Variants in PLCXD3 observed in about 807,000 individuals in gnomAD.
PLCXD3 encodes PI-PLC X domain-containing protein 3.
In PLCXD3, 19 loss-of-function variants were observed where a neutral mutation model predicts 25.5. The observed-to-expected ratio is 0.75, with a 90% CI of 0.52 to 1.09. PLCXD3 has a LOEUF of 1.09. Ranked by LOEUF, PLCXD3 falls within the 50% of genes least tolerant of loss-of-function variation. PLCXD3 has a pLI of 0.00. For synonymous variants in PLCXD3, 174 were observed against 137.6 expected (o/e 1.26, Z -1.85); for missense variants, 411 against 388.1 (o/e 1.06, Z -0.50).
intron 1 of PLCXD3, among the ~76,000 whole-genome samples, chr5:41,507,917 C>T (rs754681818): frequency 1.3e-5 from 2 of 152,214 alleles, no homozygotes; most frequent in Non-Finnish European, 2.9e-5. Context: ...CTCTGACTAT[C>T]AAAGTTTGAA....
chr5:41,421,902 C>T (rs1746837450), intron 1 of PLCXD3, among the ~76,000 whole-genome samples: 1 of 152,112 alleles, frequency 6.6e-6, no homozygotes, highest in Non-Finnish European at 1.5e-5. Context: ...GTTAATAAAA[C>T]AAGCATTATG....
chr5:41,485,341 G>A (rs1397566476), intron 1 of PLCXD3, among the ~76,000 whole-genome samples: 1 of 152,096 alleles, frequency 6.6e-6, no homozygotes, highest in African/African-American at 2.4e-5. Flanking sequence ...CTACCAAAGA[G>A]GATGAGTTTA....
chr5:41,314,977 G>A (rs1436126348), intron 2 of PLCXD3, among the ~76,000 whole-genome samples: 1 of 152,080 alleles, frequency 6.6e-6, no homozygotes. Context: ...AAATATTGAA[G>A]GATTAGGAAG....
chr5:41,321,158 C>T (rs1743458050), intron 2 of PLCXD3, among the ~76,000 whole-genome samples: 2 of 152,090 alleles, frequency 1.3e-5, no homozygotes, highest in African/African-American at 2.4e-5. Flanking sequence ...GTCAAATGTC[C>T]CTTGTTTGCA....
At chr5:41,317,858 C>T (rs111362065) in intron 2 of PLCXD3, among the ~76,000 whole-genome samples, 1 of 151,738 alleles carries the variant, frequency 6.6e-6, no homozygotes. Flanking sequence ...TGAAGCATGC[C>T]TACAGGATGC....
chr5:41,465,102 G>T (rs547529461), intron 1 of PLCXD3, among the ~76,000 whole-genome samples: 22 of 151,862 alleles, frequency 1.4e-4, no homozygotes, highest in African/African-American at 5.3e-4. Flanking sequence ...TTGTAAAATT[G>T]TTTCTGATTG....
At chr5:41,387,265 C>T (rs534055242) in intron 1 of PLCXD3, among the ~76,000 whole-genome samples, 1 of 152,062 alleles carries the variant, frequency 6.6e-6, no homozygotes, top group African/African-American at 2.4e-5. Context: ...GAACCTTAGC[C>T]TCAAAAGAGA....
At chr5:41,318,020 G>T (rs972966704) in intron 2 of PLCXD3, among the ~76,000 whole-genome samples, 6 of 151,958 alleles carry the variant, frequency 3.9e-5, no homozygotes, top group African/African-American at 1.4e-4. Flanking sequence ...AGAAGGCCAG[G>T]AGAGCATGAC....
intron 1 of PLCXD3, among the ~76,000 whole-genome samples, chr5:41,450,027 A>G (rs1010974237): frequency 3.3e-5 from 5 of 152,034 alleles, no homozygotes; most frequent in Non-Finnish European, 7.4e-5. Context: ...GAGAACAGCA[A>G]TACAGTAAAT....
chr5:41,367,137 T>A (rs1014667497), intron 2 of PLCXD3, among the ~76,000 whole-genome samples: 1 of 152,186 alleles, frequency 6.6e-6, no homozygotes, highest in South Asian at 2.1e-4. Flanking sequence ...TGATTTATAT[T>A]CTTTTGGGTA....
intron 2 of PLCXD3, among the ~76,000 whole-genome samples, chr5:41,355,949 A>C (rs1312254846): frequency 6.6e-6 from 1 of 152,150 alleles, no homozygotes; most frequent in African/African-American, 2.4e-5. Context: ...AACTTATATG[A>C]AATGATTTTT....
Position 41,307,390 on chromosome 5 carries a change from G to A in PLCXD3, c.*6227C>T, listed in dbSNP as rs555541864. On this transcript the variant is annotated 3_prime_UTR_variant, in exon 3 of 3. Coordinates refer to ENST00000377801, the MANE Select transcript of PLCXD3 (RefSeq NM_001005473.3). ...CAAGGATTCACTGTTGGAAACAGTA[G>A]TATTTGAAAGCTAGAATTTAGGAAT... is the stretch of plus-strand genomic sequence containing the variant. 1.3e-5 allele frequency: 2 copies of A among 152,692 alleles called. No individual in the cohort carries two copies. The highest frequency in any genetic ancestry group is 2.1e-4 in the South Asian group (1 of 4,828). The allele number at this position is 152,692 out of a possible 1,614,324, so 9.5% of individuals were successfully genotyped here.
intron 1 of PLCXD3, among the ~76,000 whole-genome samples, chr5:41,388,141 T>C (rs1745696758): frequency 6.6e-6 from 1 of 151,902 alleles, no homozygotes; most frequent in African/African-American, 2.4e-5. Flanking sequence ...AAAAAATACA[T>C]ACAATCCTTG....
At chr5:41,316,708 T>A (rs917513372) in intron 2 of PLCXD3, among the ~76,000 whole-genome samples, 4 of 152,084 alleles carry the variant, frequency 2.6e-5, no homozygotes, top group Non-Finnish European at 4.4e-5. Flanking sequence ...GGAACATCAG[T>A]GGTAGTCTGG....
chr5:41,363,047 A>T (rs376599749), intron 2 of PLCXD3, among the ~76,000 whole-genome samples: 1 of 152,214 alleles, frequency 6.6e-6, no homozygotes. Context: ...GAATCAGCAT[A>T]ATGATGCTAG....
intron 1 of PLCXD3, among the ~76,000 whole-genome samples, chr5:41,402,541 TA>T (rs1405522194): frequency 1.3e-5 from 2 of 151,802 alleles, no homozygotes; most frequent in East Asian, 3.9e-4. Flanking sequence ...ATTCTACTGT[TA>T]TTGCACAAAG....
At chr5:41,491,711 T>C (rs1292864632) in intron 1 of PLCXD3, among the ~76,000 whole-genome samples, 1 of 152,054 alleles carries the variant, frequency 6.6e-6, no homozygotes, top group Non-Finnish European at 1.5e-5. Context: ...TCTCTTTTGA[T>C]CTTTGTTGGT....
intron 2 of PLCXD3, among the ~76,000 whole-genome samples, chr5:41,344,961 G>C (rs1418271946): frequency 6.6e-6 from 1 of 152,106 alleles, no homozygotes; most frequent in African/African-American, 2.4e-5. Flanking sequence ...AGAGGTAGGT[G>C]GGTGTGTGCA....
At chr5:41,373,374 G>A (rs1165907362) in intron 2 of PLCXD3, among the ~76,000 whole-genome samples, 2 of 152,138 alleles carry the variant, frequency 1.3e-5, no homozygotes, top group Non-Finnish European at 2.9e-5. Context: ...CCACCCAGAA[G>A]TGAACATGGG....
Sources: allele counts gnomAD v4.1 joint callset (sites outside exome capture counted in the v4.1 genomes callset), GRCh38; gene constraint gnomAD v4.1.1; transcripts MANE v1.5; gene names NCBI Gene and HGNC (gene_info 2026-07-23, HGNC 2026-07-21).